The following C6orf132 variants were observed in gnomAD, a reference collection of about 807,000 sequenced individuals.
The protein encoded by C6orf132 is chromosome 6 open reading frame 132, also known as uncharacterized protein C6orf132.
Under a neutral mutation model 65.3 loss-of-function variants are expected in C6orf132, and 43 were observed. The ratio of observed to expected loss-of-function variants is 0.66; its 90% CI spans 0.52 to 0.85. The LOEUF (loss-of-function observed/expected upper bound fraction) is 0.85, where lower values mean the gene tolerates loss of function less well. C6orf132 is among the 40% of genes least tolerant of loss of function. C6orf132 has a pLI of 0.00. For missense variants in C6orf132, 1,488 were observed against 1,548.8 expected (o/e 0.96, Z 0.66); for synonymous variants, 631 against 654.1 (o/e 0.96, Z 0.54).
chr6:42,127,947 C>T (rs1435899003), intron 2 of C6orf132, among the ~76,000 whole-genome samples: 3 of 142,620 alleles, frequency 2.1e-5, no homozygotes, highest in Admixed American at 1.4e-4. Flanking sequence ...TTTTTTGAGA[C>T]GGAGTCTTGC....
chr6:42,122,363 G>C (rs1200550681), intron 2 of C6orf132, among the ~76,000 whole-genome samples: 1 of 152,198 alleles, frequency 6.6e-6, no homozygotes, highest in African/African-American at 2.4e-5. Flanking sequence ...CCACTTCAAG[G>C]GCTTCTTCTC....
rs181551002 is a variant in C6orf132, at chr6:42,128,724, G to T, written c.200C>A (p.Ala67Asp). 456 of 1,551,536 alleles carry T rather than the reference G, an allele frequency of 2.9e-4. No homozygotes were observed. The highest frequency in any genetic ancestry group is 7.3e-4 in the Admixed American group (37 of 50,994). Residue 67 changes from alanine to aspartate, a missense_variant, in exon 2 of 5, where the codon GCC becomes GAC. Physicochemically the swap from Ala to Asp is moderately radical, Grantham distance 126 (BLOSUM62 -2). Transcript: ENST00000341865. ...RFNTVSESGT[A>D]TLKARPRVRP... ...GACTCTTGGCCGAGCTTTCAGCGTGGCTGTTCCTGACTCGCTCACTGTGTT... is the reference window on the plus strand; with the variant it reads ...GACTCTTGGCCGAGCTTTCAGCGTGTCTGTTCCTGACTCGCTCACTGTGTT...
Position 42,136,268 on chromosome 6 carries a change from T to G in C6orf132, c.145+6032A>C, listed in dbSNP as rs1371539314. The stretch of plus-strand genomic sequence containing the variant: ...ATACCTGAGGACACTGAACACTTTG[T>G]CGGGCTGTTTCCCCACCTGTAAAAT... On this transcript the variant is annotated intron_variant, in intron 1 of 4. Transcript: ENST00000341865. Among the ~76,000 whole-genome samples, 3 of 151,766 alleles carry G rather than the reference T, an allele frequency of 2.0e-5. No homozygotes were observed. The East Asian group carries it at 5.8e-4, about 29-fold the overall frequency.
intron 2 of C6orf132, among the ~76,000 whole-genome samples, chr6:42,116,872 G>C (rs1438684040): frequency 1.3e-5 from 2 of 152,142 alleles, no homozygotes; most frequent in Non-Finnish European, 1.5e-5. Flanking sequence ...CCTGTTGGAG[G>C]AATTGTGCAG....
rs148375308 is a variant in C6orf132 at position 42,124,429 on chromosome 6, G to C, written c.252+4243C>G. Among the ~76,000 whole-genome samples the C allele has an allele frequency of 6.8e-4, 103 of 152,330 alleles. No individual in the cohort carries two copies. Among genetic ancestry groups the C allele is most frequent in the Middle Eastern group, 3.4e-3 (1 of 294 alleles). Reference sequence around the variant, plus strand: ...TGTAGGGCACTGACAGGGAGGGTAGGCTCAGAAGATGGCCCAGGCCTGGAG... The same window carrying C: ...TGTAGGGCACTGACAGGGAGGGTAGCCTCAGAAGATGGCCCAGGCCTGGAG... On this transcript the variant is annotated intron_variant, in intron 2 of 4. Coordinates refer to ENST00000341865, the MANE Select transcript of C6orf132 (RefSeq NM_001164446.3). This position sits in a 1 kb window ranked among gnomAD's most constrained non-coding sequence, Gnocchi z 4.0.
chr6:42,124,662 G>A lies in C6orf132; in HGVS notation c.252+4010C>T, dbSNP rs1766737932. 6.6e-6 allele frequency among the ~76,000 whole-genome samples: 1 copy of A among 152,236 alleles called. No homozygotes were observed. Among genetic ancestry groups the A allele is most frequent in the Admixed American group, 6.5e-5 (1 of 15,290 alleles). On this transcript the variant is annotated intron_variant, in intron 2 of 4. Transcript: ENST00000341865. This position sits in a 1 kb window ranked among gnomAD's most constrained non-coding sequence, Gnocchi z 4.0. ...TCCCCACCCACCCTGACTTGGTGGG[G>A]CTGGGGGACGGGGTGTGTGCGTGTG...
At chr6:42,121,825 C>T (rs1021276312) in intron 2 of C6orf132, among the ~76,000 whole-genome samples, 4 of 152,200 alleles carry the variant, frequency 2.6e-5, no homozygotes, top group Non-Finnish European at 5.9e-5. Context: ...GGGGGCACCA[C>T]TGCAGGCTGT....
At chr6:42,119,066 C>CA (rs1160587167) in intron 2 of C6orf132, among the ~76,000 whole-genome samples, 645 of 54,756 alleles carry the variant, frequency 0.012, 9 homozygotes, top group East Asian at 0.019. Context: ...CCTGTCTCTA[C>CA]AAAAAAAAAA....
chr6:42,104,071 G>C lies in C6orf132; in HGVS notation c.3450-193C>G, dbSNP rs1410623823. 4.6e-5 allele frequency among the ~76,000 whole-genome samples: 7 copies of C among 152,340 alleles called. No homozygotes were observed. The East Asian group carries it at 1.4e-3, about 29-fold the overall frequency. On this transcript the variant is annotated intron_variant, in intron 4 of 4. Coordinates refer to ENST00000341865, the MANE Select transcript of C6orf132 (RefSeq NM_001164446.3). This position sits in a 1 kb window ranked among gnomAD's most constrained non-coding sequence, Gnocchi z 4.1. ...GGGCTCCCATTCTGGTCTGGGCCCT[G>C]CTGGCCGGAGAACATGCCTAACAGC...
rs1400579776 is a variant in C6orf132, at chr6:42,107,268, A to G, written c.644T>C (p.Ile215Thr). Residue 215 changes from isoleucine (I) to threonine (T), a missense_variant, in exon 4 of 5, where the codon ATT becomes ACT. Transcript: ENST00000341865. ...SPSIPTPPDF[I>T]PPAPPLAFLA... is the part of the protein sequence containing the mutation. The stretch of plus-strand genomic sequence containing the variant: ...AAAGGCCAAGGGTGGGGCAGGGGGA[A>G]TGAAGTCAGGAGGGGTGGGTATGGA... 8 of 451,562 alleles carry G rather than the reference A, an allele frequency of 1.8e-5. No individual in the cohort carries two copies. The highest frequency in any genetic ancestry group is 2.7e-5 in the Non-Finnish European group (8 of 293,752). The allele number at this position is 451,562 out of a possible 1,614,324, so 28.0% of individuals were successfully genotyped here. A position where few individuals can be genotyped will look rare whatever the true frequency, so the allele number is the denominator to read the frequency against.
rs867819594 is a variant in C6orf132 at position 42,106,704 on chromosome 6, A to C, written c.1208T>G (p.Leu403Arg). The C allele has an allele frequency of 1.4e-4, 27 of 187,608 alleles. No individual in the cohort carries two copies. Among genetic ancestry groups the C allele is most frequent in the South Asian group, 2.5e-4 (3 of 11,856 alleles). 11.6% of individuals were successfully genotyped at this position (187,608 alleles called of 1,614,324 possible). The change falls in exon 4 of 5, where the codon CTC becomes CGC. Residue 403 changes from leucine (L) to arginine (R), a missense_variant. By Grantham distance (102) the Leu-to-Arg change is moderately radical. Transcript: ENST00000341865. ...APPLPPPAPP[L>R]PPPAPPLPPA... Reference sequence around the variant, plus strand: ...GGGAAGTGGGGGTGCTGGGGGAGGGAGGGGGGGTGCAGGAGGGGGCAGGGG... The same window carrying C: ...GGGAAGTGGGGGTGCTGGGGGAGGGCGGGGGGGTGCAGGAGGGGGCAGGGG...
intron 2 of C6orf132, among the ~76,000 whole-genome samples, chr6:42,126,037 C>A (rs1209770532): frequency 6.6e-6 from 1 of 152,284 alleles, no homozygotes; most frequent in African/African-American, 2.4e-5. Context: ...ACTCCAGGGG[C>A]AACATCCGTT....
At chr6:42,119,248 CAAAAAAAA>C (rs1156356191) in intron 2 of C6orf132, among the ~76,000 whole-genome samples, 76 of 44,768 alleles carry the variant, frequency 1.7e-3, no homozygotes, top group African/African-American at 5.8e-3. Context: ...GACTCTGTCT[CAAAAAAAA>C]AAAAAAAAAA....
intron 2 of C6orf132, among the ~76,000 whole-genome samples, chr6:42,122,187 G>A (rs1208235417): frequency 2.0e-5 from 3 of 152,192 alleles, no homozygotes; most frequent in Non-Finnish European, 1.5e-5. Flanking sequence ...TCTACCATCT[G>A]AGAACCACCC....
At chr6:42,135,021 T>A (rs1260492814) in intron 1 of C6orf132, among the ~76,000 whole-genome samples, 1 of 151,942 alleles carries the variant, frequency 6.6e-6, no homozygotes, top group Non-Finnish European at 1.5e-5. Context: ...TAATGATAAT[T>A]GGGAGGGCTG....
chr6:42,137,239 G>A (rs758584062), intron 1 of C6orf132, among the ~76,000 whole-genome samples: 6 of 152,278 alleles, frequency 3.9e-5, no homozygotes, highest in Admixed American at 1.3e-4. Context: ...GAGAGAAGGG[G>A]CACCTTGTAG....
At chr6:42,125,601 G>A (rs978351202) in intron 2 of C6orf132, among the ~76,000 whole-genome samples, 2 of 152,192 alleles carry the variant, frequency 1.3e-5, no homozygotes, top group African/African-American at 2.4e-5. Flanking sequence ...TTCACCATGT[G>A]TCCATTCTTT....
rs149596759 is a variant in C6orf132 at position 42,132,542 on chromosome 6, G to T, written c.146-3764C>A. 6.0e-3 allele frequency among the ~76,000 whole-genome samples: 831 copies of T among 137,934 alleles called. 31 individuals are homozygous for T. The highest frequency in any genetic ancestry group is 0.054 in the Admixed American group (726 of 13,366). The allele number at this position is 137,934 out of a possible 152,430, so 90.5% of individuals were successfully genotyped here. On this transcript the variant is annotated intron_variant, in intron 1 of 4. Coordinates refer to ENST00000341865, the MANE Select transcript of C6orf132 (RefSeq NM_001164446.3). ...AAAATAATAAGAAGAAGAAGAAGAA[G>T]AAGAAAATAAGAAAAGGAGGTGTGG...
chr6:42,133,454 C>G (rs1051692913), intron 1 of C6orf132, among the ~76,000 whole-genome samples: 2 of 152,160 alleles, frequency 1.3e-5, no homozygotes, highest in Non-Finnish European at 2.9e-5. Context: ...TTGGAACATC[C>G]AGGTGGGATT....
Sources: allele counts gnomAD v4.1 joint callset (sites outside exome capture counted in the v4.1 genomes callset), GRCh38; gene constraint gnomAD v4.1.1; non-coding constraint Gnocchi (gnomAD v3.1); transcripts MANE v1.5; gene names NCBI Gene and HGNC (gene_info 2026-07-23, HGNC 2026-07-21).